The following RBM33 variants were observed in gnomAD, a reference collection of about 807,000 sequenced individuals.
The protein encoded by RBM33 is RNA binding motif protein 33.
A neutral mutation model predicts 132.6 loss-of-function variants in RBM33; 28 were observed. The ratio of observed to expected loss-of-function variants is 0.21; its 90% CI spans 0.16 to 0.29. RBM33 has a LOEUF of 0.29. Among genes scored for constraint, RBM33 ranks in the 10% least tolerant of loss-of-function variants. The pLI, the probability that RBM33 is intolerant of heterozygous loss-of-function variation, is 1.00. For missense variants in RBM33, 1,291 were observed against 1,518.5 expected (o/e 0.85, Z 2.49); for synonymous variants, 634 against 593.0 (o/e 1.07, Z -1.01).
Position 155,778,762 on chromosome 7 carries a change from TTGTTC to T in RBM33, c.*3726_*3730del, listed in dbSNP as rs1802708614. ...TCTTTTGGCTTTTGTTGTTTTTGTT[TTGTTC>T]TGTTTGTTTTGTTTTGTATTTCTTT... On this transcript the variant is annotated 3_prime_UTR_variant, in exon 18 of 18. Coordinates refer to ENST00000401878, the MANE Select transcript of RBM33 (RefSeq NM_053043.3). This position sits in a 1 kb window ranked among gnomAD's most constrained non-coding sequence, Gnocchi z 4.0. The T allele has an allele frequency of 6.6e-6, 1 of 152,422 alleles. No individual in the cohort carries two copies. The highest frequency in any genetic ancestry group is 2.4e-5 in the African/African-American group (1 of 41,442). The allele number at this position is 152,422 out of a possible 1,614,324, so 9.4% of individuals were successfully genotyped here.
chr7:155,695,472 T>G (rs979359756), intron 5 of RBM33, among the ~76,000 whole-genome samples: 7 of 152,196 alleles, frequency 4.6e-5, no homozygotes, highest in African/African-American at 1.4e-4. Flanking sequence ...TTTTCTTTTT[T>G]TCTTTGAGAC....
intron 1 of RBM33, among the ~76,000 whole-genome samples, chr7:155,659,226 G>A (rs368850327): frequency 6.6e-6 from 1 of 152,076 alleles, no homozygotes; most frequent in Admixed American, 6.5e-5. Flanking sequence ...AAGCCTGAAA[G>A]TATGGCCCAT....
At chr7:155,649,897 A>G (rs1194825268) in intron 1 of RBM33, among the ~76,000 whole-genome samples, 1 of 152,224 alleles carries the variant, frequency 6.6e-6, no homozygotes, top group East Asian at 1.9e-4. Flanking sequence ...CCTTCTGCAT[A>G]TGCGTAGCTC....
At position 155,739,843 on chromosome 7, in the gene RBM33, A is replaced by G. The variant is rs935269727; in HGVS notation, c.1866A>G (p.Pro622=). Residue 622 remains proline, a synonymous_variant, in exon 12 of 18, where the codon CCA becomes CCG. Transcript: ENST00000401878. The part of the protein sequence containing the change: ...PHQPPPQHQP[P]PQHPPQHPPQ... Reference sequence around the variant, plus strand: ...AGCCCCCGCCCCAGCACCAGCCCCCACCCCAGCACCCACCACAGCACCCGC... The same window carrying G: ...AGCCCCCGCCCCAGCACCAGCCCCCGCCCCAGCACCCACCACAGCACCCGC... The G allele has an allele frequency of 1.5e-5, 4 of 273,416 alleles. No individual in the cohort carries two copies. Among genetic ancestry groups the G allele is most frequent in the Admixed American group, 2.5e-4 (2 of 7,998 alleles). 16.9% of individuals were successfully genotyped at this position (273,416 alleles called of 1,614,324 possible).
At position 155,685,209 on chromosome 7, in the gene RBM33, A is replaced by G. The variant is rs562799259; in HGVS notation, c.567+4301A>G. On this transcript the variant is annotated intron_variant, in intron 5 of 17. Coordinates refer to ENST00000401878, the MANE Select transcript of RBM33 (RefSeq NM_053043.3). Reference sequence around the variant, plus strand: ...AACTTTCTAGGCTCCTTGGGAAGTGAGTTCTGGTGTGCTGTGATTTCCGCA... The same window carrying G: ...AACTTTCTAGGCTCCTTGGGAAGTGGGTTCTGGTGTGCTGTGATTTCCGCA... Among the ~76,000 whole-genome samples, 215 of 152,274 alleles carry G rather than the reference A, an allele frequency of 1.4e-3. 4 individuals carry two copies. The highest frequency in any genetic ancestry group is 4.9e-3 in the African/African-American group (205 of 41,542).
intron 6 of RBM33, among the ~76,000 whole-genome samples, chr7:155,703,289 T>A (rs911724818): frequency 7.9e-5 from 12 of 152,244 alleles, no homozygotes; most frequent in African/African-American, 2.9e-4. Context: ...GGAAACTTTG[T>A]GTTCATGTAA....
At chr7:155,674,975 A>G (rs1295892843) in intron 3 of RBM33, among the ~76,000 whole-genome samples, 2 of 152,222 alleles carry the variant, frequency 1.3e-5, no homozygotes, top group African/African-American at 2.4e-5. Flanking sequence ...ACATTTTGCC[A>G]TCTGTCTTTT....
rs375490323 is a variant in RBM33 at position 155,763,873 on chromosome 7, C to T, written c.3041C>T (p.Pro1014Leu). ...EGQPQRLPQP[P>L]EVGPQPARKV... Reference sequence around the variant, plus strand: ...CAGCCCCAGCGGCTTCCCCAGCCTCCGGAAGTGGGACCACAGCCTGCCCGC... The same window carrying T: ...CAGCCCCAGCGGCTTCCCCAGCCTCTGGAAGTGGGACCACAGCCTGCCCGC... Residue 1014 changes from proline (P) to leucine (L), a missense_variant, in exon 15 of 18, where the codon CCG becomes CTG. Around this residue, in one of 7 missense-constraint regions of RBM33, gnomAD observed 841 missense variants for 912.0 expected, o/e 0.92. Coordinates refer to ENST00000401878, the MANE Select transcript of RBM33 (RefSeq NM_053043.3). 4.4e-5 allele frequency: 71 copies of T among 1,611,670 alleles called. No homozygotes were observed. Among genetic ancestry groups the T allele is most frequent in the Middle Eastern group, 1.6e-4 (1 of 6,070 alleles).
chr7:155,650,921 C>A (rs1399451930), intron 1 of RBM33, among the ~76,000 whole-genome samples: 1 of 152,138 alleles, frequency 6.6e-6, no homozygotes, highest in Non-Finnish European at 1.5e-5. Flanking sequence ...ATCGCCCAGG[C>A]TGGAGTGTTG....
At chr7:155,716,744 A>C (rs1800474514) in intron 8 of RBM33, among the ~76,000 whole-genome samples, 1 of 152,170 alleles carries the variant, frequency 6.6e-6, no homozygotes, top group Admixed American at 6.5e-5. Flanking sequence ...GAATTGATGT[A>C]ACATCAGCTG....
At position 155,745,765 on chromosome 7, in the gene RBM33, C is replaced by A; in HGVS notation, c.2979+163C>A. ...AGTTGGTATAAGAATTGCCGCTTGA[C>A]GACAGGCATACATTCTCAGAAATGT... On this transcript the variant is annotated intron_variant, in intron 14 of 17. Transcript: ENST00000401878. The surrounding 1 kb of genome is among the most constrained non-coding windows in gnomAD (Gnocchi z 4.1). The A allele has an allele frequency of 1.4e-6, 1 of 697,102 alleles. No homozygotes were observed. 43.2% of individuals were successfully genotyped at this position (697,102 alleles called of 1,614,324 possible).
intron 3 of RBM33, among the ~76,000 whole-genome samples, chr7:155,675,859 G>A (rs7777079): frequency 0.031 from 4,730 of 152,210 alleles, 237 homozygotes; most frequent in African/African-American, 0.11. Context: ...CAGGGAATAA[G>A]CATTGCCCTC....
At position 155,737,810 on chromosome 7, in the gene RBM33, T is replaced by C. The variant is rs971692153; in HGVS notation, c.1393+148T>C. 26 of 957,358 alleles carry C rather than the reference T, an allele frequency of 2.7e-5. No homozygotes were observed. In the African/African-American group the frequency reaches 4.2e-4, roughly 15 times the overall value. The allele number at this position is 957,358 out of a possible 1,614,324, so 59.3% of individuals were successfully genotyped here. On this transcript the variant is annotated intron_variant, in intron 10 of 17. Coordinates refer to ENST00000401878, the MANE Select transcript of RBM33 (RefSeq NM_053043.3). ...TGTACCATAGCAGTTCTGCCTGTCA[T>C]TTCAGGTGCTAAAATTGGACATTGT...
rs964432969 is a variant in RBM33 at position 155,780,692 on chromosome 7, C to T, written c.*5651C>T. On this transcript the variant is annotated 3_prime_UTR_variant, in exon 18 of 18. Transcript: ENST00000401878. ...CTCCTGGCTTCAACTGGGTGAGGGC[C>T]GTATTCCTGCCACTCTGCTCCGCCT... The T allele has an allele frequency of 2.0e-5, 3 of 152,442 alleles. No individual in the cohort carries two copies. The highest frequency in any genetic ancestry group is 6.5e-5 in the Admixed American group (1 of 15,276). 9.4% of individuals were successfully genotyped at this position (152,442 alleles called of 1,614,324 possible).
At chr7:155,709,631 T>C (rs1178125840) in intron 7 of RBM33, among the ~76,000 whole-genome samples, 1 of 152,256 alleles carries the variant, frequency 6.6e-6, no homozygotes, top group African/African-American at 2.4e-5. Context: ...CTTGAATTAA[T>C]GACCATGCAT....
At chr7:155,731,513 T>G (rs1800955686) in intron 9 of RBM33, among the ~76,000 whole-genome samples, 1 of 152,136 alleles carries the variant, frequency 6.6e-6, no homozygotes, top group African/African-American at 2.4e-5. Flanking sequence ...TGACAGTCAA[T>G]CTAATAACCA....
chr7:155,690,368 C>T (rs1468440105), intron 5 of RBM33, among the ~76,000 whole-genome samples: 2 of 152,122 alleles, frequency 1.3e-5, no homozygotes, highest in African/African-American at 4.8e-5. Flanking sequence ...TGTGTCTCTG[C>T]ACGTGAGATG....
In RBM33 at chr7:155,781,386, T is replaced by C. The variant is rs181011768; in HGVS notation, c.*6345T>C. 1 of 152,386 alleles carries C rather than the reference T, an allele frequency of 6.6e-6. No individual in the cohort carries two copies. Among genetic ancestry groups the C allele is most frequent in the African/African-American group, 2.4e-5 (1 of 41,590 alleles). The allele number at this position is 152,386 out of a possible 1,614,324, so 9.4% of individuals were successfully genotyped here. ...TAGTTGAAAGGAAAATGTACTGTTG[T>C]GTGTTTCATTTGTGTGATTTCGTAC... On this transcript the variant is annotated 3_prime_UTR_variant, in exon 18 of 18. Coordinates refer to ENST00000401878, the MANE Select transcript of RBM33 (RefSeq NM_053043.3).
In RBM33 at chr7:155,740,002, C is replaced by T. The variant is rs1713984368; in HGVS notation, c.2025C>T (p.Cys675=). Residue 675 remains cysteine, a synonymous_variant, in exon 12 of 18, where the codon TGC becomes TGT. Transcript: ENST00000401878. ...QPQASSSRMQ[C]PQRQGLRHNT... is the part of the protein sequence containing the mutation. ...AGGCCAGCAGCAGCCGGATGCAGTG[C>T]CCCCAGCGCCAGGGGCTCCGGCATG... The T allele has an allele frequency of 1.3e-6, 2 of 1,556,316 alleles. No individual in the cohort carries two copies. Among genetic ancestry groups the T allele is most frequent in the Non-Finnish European group, 1.7e-6 (2 of 1,147,074 alleles).
Sources: gnomAD v4.1 joint callset for allele counts (sites outside exome capture counted in the v4.1 genomes callset) on GRCh38, gnomAD v4.1.1 for gene constraint, gnomAD v4.1.1 regional missense constraint, Gnocchi (gnomAD v3.1) non-coding constraint, MANE v1.5 for transcripts, NCBI Gene and HGNC (gene_info 2026-07-23, HGNC 2026-07-21) for gene names.